Variants in ABR observed in about 807,000 individuals in gnomAD.
The protein encoded by ABR is ABR activator of RhoGEF and GTPase.
In ABR, 35 loss-of-function variants were observed where a neutral mutation model predicts 107.2. The observed-to-expected ratio is 0.33, with a 90% CI of 0.25 to 0.43. The LOEUF (loss-of-function observed/expected upper bound fraction) is 0.43, where lower values mean the gene tolerates loss of function less well. Among genes scored for constraint, ABR ranks in the 20% least tolerant of loss-of-function variants. The pLI, the probability that ABR is intolerant of heterozygous loss-of-function variation, is 1.00. For synonymous variants in ABR, 498 were observed against 462.0 expected (o/e 1.08, Z -1.00); for missense variants, 815 against 1,115.2 (o/e 0.73, Z 3.83).
At chr17:1,173,059 C>T (rs1317723646) in intron 1 of ABR, among the ~76,000 whole-genome samples, 1 of 120,856 alleles carries the variant, frequency 8.3e-6, no homozygotes. Flanking sequence ...CACCTCAGTC[C>T]ACCCAACACA....
intron 2 of ABR, among the ~76,000 whole-genome samples, chr17:1,124,516 C>T (rs183990490): frequency 6.6e-6 from 1 of 152,390 alleles, no homozygotes; most frequent in South Asian, 2.1e-4. Flanking sequence ...GAGCTGCGCT[C>T]AGACAGCGTC....
intron 6 of ABR, among the ~76,000 whole-genome samples, chr17:1,077,748 G>A (rs1386675813): frequency 6.6e-6 from 1 of 152,216 alleles, no homozygotes; most frequent in Non-Finnish European, 1.5e-5. Flanking sequence ...CAGGGAGATA[G>A]GAAAGCAAAG....
At chr17:1,039,059 G>A (rs947232080) in intron 16 of ABR, among the ~76,000 whole-genome samples, 5 of 152,132 alleles carry the variant, frequency 3.3e-5, no homozygotes, top group East Asian at 3.9e-4. Context: ...CCCAGGTCCC[G>A]TGCCTCTGAG....
At chr17:1,061,850 A>ACCACCTGTT (rs1224514821) in intron 10 of ABR, among the ~76,000 whole-genome samples, 6 of 152,078 alleles carry the variant, frequency 3.9e-5, no homozygotes, top group Non-Finnish European at 8.8e-5. Flanking sequence ...CTGGGCCCTA[A>ACCACCTGTT]CCACCTGTTT....
intron 6 of ABR, among the ~76,000 whole-genome samples, chr17:1,076,579 A>ACGG (rs2035727946): frequency 6.6e-6 from 1 of 152,010 alleles, no homozygotes; most frequent in African/African-American, 2.4e-5. Flanking sequence ...GAGGTTTCTG[A>ACGG]CTAAGCTCAG....
intron 3 of ABR, among the ~76,000 whole-genome samples, chr17:1,094,713 A>G (rs1007983462): frequency 6.6e-6 from 1 of 152,156 alleles, no homozygotes; most frequent in Non-Finnish European, 1.5e-5. Context: ...GCCAACACAG[A>G]TGAAATGACT....
intron 2 of ABR, among the ~76,000 whole-genome samples, chr17:1,110,222 T>A (rs1411031271): frequency 6.6e-6 from 1 of 151,578 alleles, no homozygotes; most frequent in Non-Finnish European, 1.5e-5. Context: ...CACATTCTGG[T>A]CCCCCTGGCC....
chr17:1,099,967 A>T (rs1220330969), intron 3 of ABR, among the ~76,000 whole-genome samples: 1 of 152,070 alleles, frequency 6.6e-6, no homozygotes, highest in East Asian at 1.9e-4. Context: ...GTCTCTACTA[A>T]ATACAAAAAT....
intron 4 of ABR, among the ~76,000 whole-genome samples, chr17:1,088,426 T>C (rs2036772786): frequency 6.6e-6 from 1 of 151,000 alleles, no homozygotes; most frequent in Admixed American, 6.6e-5. Context: ...CTTGGAAGGA[T>C]ACCTTCCAGG....
At chr17:1,128,417 C>T (rs2440054) in intron 1 of ABR, among the ~76,000 whole-genome samples, 58,766 of 152,082 alleles carry the variant, frequency 0.39, 11,557 homozygotes, top group South Asian at 0.45. Flanking sequence ...ATTTCCCCGC[C>T]GACTAACAGA....
chr17:1,189,347 T>C (rs1009453187), upstream of ABR, among the ~76,000 whole-genome samples: 93 of 124,332 alleles, frequency 7.5e-4, no homozygotes, highest in Non-Finnish European at 1.2e-3. Flanking sequence ...TGTCTATGGC[T>C]TCCTTTTTTT....
At chr17:1,194,757 A>G (rs146249748) in intron 1 of ABR, among the ~76,000 whole-genome samples, 2 of 123,518 alleles carry the variant, frequency 1.6e-5, no homozygotes, top group Non-Finnish European at 1.7e-5. Context: ...GGGTTCAAGC[A>G]ATCCTCCTGC....
intron 1 of ABR, among the ~76,000 whole-genome samples, chr17:1,127,121 T>C (rs1236232040): frequency 1.3e-5 from 2 of 152,218 alleles, no homozygotes; most frequent in Admixed American, 6.5e-5. Context: ...CACCTGCTTC[T>C]GTCGGCTGCC....
rs146332473 is a variant in ABR at position 1,044,898 on chromosome 17, A to G, written c.1791+5152T>C. 4.3e-3 allele frequency among the ~76,000 whole-genome samples: 648 copies of G among 152,282 alleles called. 5 individuals carry two copies. Among genetic ancestry groups the G allele is most frequent in the African/African-American group, 0.014 (576 of 41,558 alleles). On this transcript the variant is annotated intron_variant, in intron 16 of 22. Coordinates refer to ENST00000302538, the MANE Select transcript of ABR (RefSeq NM_021962.5). ...AATAACACAGAGCCTTAGCATAGCA[A>G]TTGCGCTGGCCGCTCTATACCAAGA...
intron 16 of ABR, among the ~76,000 whole-genome samples, chr17:1,024,049 A>AAAAAAAAAAAAG (rs2071963289): frequency 1.4e-5 from 2 of 140,536 alleles, no homozygotes; most frequent in African/African-American, 5.4e-5. Context: ...AAAAAAAAAA[A>AAAAAAAAAAAAG]GCAGCATCAA....
chr17:1,045,378 G>A (rs62069673), intron 16 of ABR, among the ~76,000 whole-genome samples: 1,145 of 100,118 alleles, frequency 0.011, 68 homozygotes, highest in East Asian at 0.023. Flanking sequence ...ACAATCTTCC[G>A]TCTTCTTACA....
intron 16 of ABR, among the ~76,000 whole-genome samples, chr17:1,024,780 C>T (rs926995073): frequency 1.7e-4 from 7 of 40,848 alleles, no homozygotes; most frequent in South Asian, 6.7e-4. Context: ...AGTGAGACTC[C>T]CACAAAAAAA....
chr17:1,180,052 T>A (rs1427881922), upstream of ABR, among the ~76,000 whole-genome samples: 1 of 12,566 alleles, frequency 8.0e-5, no homozygotes, highest in African/African-American at 3.6e-4. Context: ...GGCGGGGCTT[T>A]GGTGCGGGGG....
At chr17:1,212,361 T>C in intron 1 of ABR, among the ~76,000 whole-genome samples, 1 of 150,030 alleles carries the variant, frequency 6.7e-6, no homozygotes, top group Non-Finnish European at 1.5e-5. Flanking sequence ...AGCACAGGAG[T>C]TTGAGGCTGC....
Sources: allele counts gnomAD v4.1 joint callset (sites outside exome capture counted in the v4.1 genomes callset), GRCh38; gene constraint gnomAD v4.1.1; transcripts MANE v1.5; gene names NCBI Gene and HGNC (gene_info 2026-07-23, HGNC 2026-07-21).